Variants in CNTNAP5 observed in about 807,000 individuals in gnomAD.
The protein encoded by CNTNAP5 is contactin associated protein family member 5, also known as contactin-associated protein-like 5.
Under a neutral mutation model 150.2 loss-of-function variants are expected in CNTNAP5, and 72 were observed. The observed-to-expected ratio is 0.48, with a 90% CI of 0.40 to 0.58. The LOEUF (loss-of-function observed/expected upper bound fraction) is 0.58. CNTNAP5 is among the 20% of genes least tolerant of loss of function. CNTNAP5 has a pLI of 0.00. For synonymous variants in CNTNAP5, 672 were observed against 619.8 expected, an observed-to-expected ratio of 1.08 and a Z score of -1.25; for missense variants, 1,636 against 1,626.2, an observed-to-expected ratio of 1.01 and a Z score of -0.10.
intron 17 of CNTNAP5, among the ~76,000 whole-genome samples, chr2:124,789,063 A>G (rs1482206907): frequency 6.6e-6 from 1 of 152,044 alleles, no homozygotes; most frequent in Non-Finnish European, 1.5e-5. Context: ...CATGCGTTTG[A>G]CTCCATGTCT....
At chr2:124,870,607 ATTCT>A (rs1677725371) in intron 21 of CNTNAP5, among the ~76,000 whole-genome samples, 1 of 151,036 alleles carries the variant, frequency 6.6e-6, no homozygotes, top group Non-Finnish European at 1.5e-5. Flanking sequence ...ATTCTATCAT[ATTCT>A]TTCTGACTCT....
chr2:124,712,741 C>T (rs1679832276), intron 13 of CNTNAP5, among the ~76,000 whole-genome samples: 1 of 148,360 alleles, frequency 6.7e-6, no homozygotes, highest in South Asian at 2.2e-4. Flanking sequence ...AGAGCACTCT[C>T]AGCCTTTTTT....
At chr2:124,697,104 C>A (rs1272543349) in intron 13 of CNTNAP5, among the ~76,000 whole-genome samples, 1 of 151,832 alleles carries the variant, frequency 6.6e-6, no homozygotes, top group South Asian at 2.1e-4. Flanking sequence ...TAAAAAAAAT[C>A]TTTATTTGTT....
intron 19 of CNTNAP5, 125 bp from the exon 20 acceptor site, chr2:124,865,181 A>T (rs2104720026): frequency 1.3e-6 from 1 of 764,240 alleles, no homozygotes; most frequent in Middle Eastern, 3.3e-4. Context: ...ATATATTTTT[A>T]AAAATTGAAT....
At chr2:124,840,101 T>C (rs1036386258) in intron 19 of CNTNAP5, among the ~76,000 whole-genome samples, 3 of 152,072 alleles carry the variant, frequency 2.0e-5, no homozygotes, top group African/African-American at 7.2e-5. Context: ...CTTGAGAGGA[T>C]GTGAGTCTCT....
intron 6 of CNTNAP5, among the ~76,000 whole-genome samples, chr2:124,464,618 G>A (rs918439519): frequency 5.3e-5 from 8 of 152,224 alleles, no homozygotes; most frequent in South Asian, 2.1e-4. Flanking sequence ...CGATGACCCT[G>A]GGCAAGATTT....
At position 124,653,919 on chromosome 2, in the gene CNTNAP5, C is replaced by CG. The variant is rs1419651221; in HGVS notation, c.2077+5961_2077+5962insG. Reference sequence around the variant, plus strand: ...TGCCCCCACTGCCCCCAACCCCCCCCCCCCGCCACACACACACAATCAGTG... The same window carrying CG: ...TGCCCCCACTGCCCCCAACCCCCCCCGCCCCGCCACACACACACAATCAGTG... On this transcript the variant is annotated intron_variant, in intron 13 of 23. Transcript: ENST00000682447. Among the ~76,000 whole-genome samples, 32 of 138,902 alleles carry CG rather than the reference C, an allele frequency of 2.3e-4. 2 individuals are homozygous for CG. The highest frequency in any genetic ancestry group is 4.1e-4 in the Non-Finnish European group (26 of 63,180). The allele number at this position is 138,902 out of a possible 152,430, so 91.1% of individuals were successfully genotyped here.
At chr2:124,655,541 A>T (rs1168022144) in intron 13 of CNTNAP5, among the ~76,000 whole-genome samples, 1 of 30,624 alleles carries the variant, frequency 3.3e-5, no homozygotes, top group African/African-American at 1.1e-4. Flanking sequence ...AAATGATTAT[A>T]TATATATATA....
At chr2:124,352,424 C>T (rs1177560125) in intron 3 of CNTNAP5, among the ~76,000 whole-genome samples, 1 of 152,078 alleles carries the variant, frequency 6.6e-6, no homozygotes, top group Non-Finnish European at 1.5e-5. Context: ...ATGGAGGGCA[C>T]ATAAAGAAGG....
At chr2:124,076,221 A>T (rs1682434183) in intron 1 of CNTNAP5, among the ~76,000 whole-genome samples, 2 of 152,076 alleles carry the variant, frequency 1.3e-5, no homozygotes, top group South Asian at 4.1e-4. Context: ...CTCGACTCGA[A>T]CCCTGACTGT....
intron 13 of CNTNAP5, among the ~76,000 whole-genome samples, chr2:124,677,841 A>G (rs1232107619): frequency 1.3e-5 from 2 of 151,878 alleles, no homozygotes; most frequent in Admixed American, 6.7e-5. Flanking sequence ...CCAACCCAGA[A>G]GCCCACCTGG....
chr2:124,398,844 G>T (rs534180241), intron 3 of CNTNAP5, among the ~76,000 whole-genome samples: 1 of 152,224 alleles, frequency 6.6e-6, no homozygotes, highest in Non-Finnish European at 1.5e-5. Context: ...AACACTGGAG[G>T]CCAAACAACT....
intron 3 of CNTNAP5, among the ~76,000 whole-genome samples, chr2:124,302,807 A>C (rs917095103): frequency 1.3e-5 from 2 of 152,140 alleles, no homozygotes; most frequent in East Asian, 1.9e-4. Flanking sequence ...GAGTAAGCTG[A>C]GTGTGTTGCA....
In CNTNAP5 at chr2:124,382,935, C is replaced by A. The variant is rs1373670891; in HGVS notation, c.382-34508C>A. 3.9e-5 allele frequency among the ~76,000 whole-genome samples: 6 copies of A among 152,068 alleles called. 1 individual carries two copies. The highest frequency in any genetic ancestry group is 3.3e-4 in the Admixed American group (5 of 15,256). ...CTTTTAAAGTGTTCTTAACATTCCT[C>A]GGATTCTGGCATTTTCTTGAAATAA... On this transcript the variant is annotated intron_variant, in intron 3 of 23. Transcript: ENST00000682447.
rs1558763338 is a variant in CNTNAP5, at chr2:124,120,740, A to G, written c.82+95008A>G. ...GCATGAATGGAAGCAAAAAGAGTGTAGTGTGCTTGAAAGAGTCACAATACT... is the reference window on the plus strand; with the variant it reads ...GCATGAATGGAAGCAAAAAGAGTGTGGTGTGCTTGAAAGAGTCACAATACT... On this transcript the variant is annotated intron_variant, in intron 1 of 23. Transcript: ENST00000682447. 2.6e-5 allele frequency among the ~76,000 whole-genome samples: 4 copies of G among 152,332 alleles called. No individual in the cohort carries two copies. In the East Asian group the frequency reaches 5.8e-4, roughly 22 times the overall value.
intron 3 of CNTNAP5, among the ~76,000 whole-genome samples, chr2:124,347,500 A>C (rs183008109): frequency 6.6e-6 from 1 of 152,298 alleles, no homozygotes; most frequent in East Asian, 1.9e-4. Flanking sequence ...CAGATTGAGC[A>C]GAAGAAAGCT....
intron 14 of CNTNAP5, among the ~76,000 whole-genome samples, chr2:124,760,155 G>A (rs58804790): frequency 6.6e-6 from 1 of 151,696 alleles, no homozygotes; most frequent in African/African-American, 2.4e-5. Context: ...TCAGGAGAAG[G>A]GGGTGTGGGG....
In CNTNAP5 at chr2:124,520,882, C is replaced by A. The variant is rs569576559; in HGVS notation, c.1328-3421C>A. 1.4e-4 allele frequency among the ~76,000 whole-genome samples: 22 copies of A among 152,312 alleles called. No individual in the cohort carries two copies. In the South Asian group the frequency reaches 4.3e-3, roughly 30 times the overall value. On this transcript the variant is annotated intron_variant, in intron 8 of 23. Coordinates refer to ENST00000682447, the MANE Select transcript of CNTNAP5 (RefSeq NM_001367498.1). ...TCCCTAACTTGTGAATAATTAATAG[C>A]ACTTCCACTTTTACCTTTAAGAGAG...
At chr2:124,267,844 G>A (rs1022454134) in intron 3 of CNTNAP5, among the ~76,000 whole-genome samples, 13 of 152,164 alleles carry the variant, frequency 8.5e-5, no homozygotes, top group Non-Finnish European at 4.4e-5. Flanking sequence ...TGAAAACCAG[G>A]AGCAGAGGGA....
Sources: allele counts gnomAD v4.1 joint callset (sites outside exome capture counted in the v4.1 genomes callset), GRCh38; gene constraint gnomAD v4.1.1; transcripts MANE v1.5; gene names NCBI Gene and HGNC (gene_info 2026-07-23, HGNC 2026-07-21).